Variants in KIAA1217 observed in about 807,000 individuals in gnomAD.
KIAA1217 encodes KIAA1217.
Under a neutral mutation model 163.9 loss-of-function variants are expected in KIAA1217, and 88 were observed. The ratio of observed to expected loss-of-function variants is 0.54; its 90% CI spans 0.45 to 0.64. The LOEUF (loss-of-function observed/expected upper bound fraction) is 0.64, where lower values mean the gene tolerates loss of function less well. KIAA1217 is among the 30% of genes least tolerant of loss of function. KIAA1217 has a pLI of 0.00. For synonymous variants in KIAA1217, 903 were observed against 923.1 expected (o/e 0.98, Z 0.39); for missense variants, 2,372 against 2,475.0 (o/e 0.96, Z 0.88).
At chr10:24,132,197 T>C (rs1468069658) in intron 2 of KIAA1217, among the ~76,000 whole-genome samples, 2 of 152,140 alleles carry the variant, frequency 1.3e-5, no homozygotes, top group Non-Finnish European at 2.9e-5. Flanking sequence ...CTTCATCCCA[T>C]TGGCTGGAAC....
chr10:24,413,636 C>T (rs749394406), intron 3 of KIAA1217, among the ~76,000 whole-genome samples: 4 of 152,206 alleles, frequency 2.6e-5, no homozygotes, highest in Non-Finnish European at 4.4e-5. Context: ...TCTCATCTCA[C>T]TCATTTCCCT....
chr10:24,098,767 G>C (rs550193666), intron 2 of KIAA1217, among the ~76,000 whole-genome samples: 1 of 151,368 alleles, frequency 6.6e-6, no homozygotes, highest in East Asian at 1.9e-4. Context: ...GTGTTAGAGA[G>C]AGACAGACAG....
chr10:23,797,008 A>G (rs776782603), intron 1 of KIAA1217, among the ~76,000 whole-genome samples: 5 of 152,170 alleles, frequency 3.3e-5, no homozygotes, highest in Non-Finnish European at 7.4e-5. Context: ...CAGTGCTACC[A>G]CATCTGGCTA....
At chr10:23,776,129 CT>C (rs1834998147) in intron 1 of KIAA1217, among the ~76,000 whole-genome samples, 1 of 152,090 alleles carries the variant, frequency 6.6e-6, no homozygotes, top group Non-Finnish European at 1.5e-5. Flanking sequence ...TGCCCAGATT[CT>C]TAAGAGATAC....
intron 2 of KIAA1217, among the ~76,000 whole-genome samples, chr10:24,352,403 CTTAA>C (rs1358987675): frequency 6.6e-6 from 1 of 152,220 alleles, no homozygotes; most frequent in Admixed American, 6.5e-5. Flanking sequence ...TAGGTGGAAA[CTTAA>C]AAACCTTCCT....
chr10:24,220,270 A>G (rs1162940799), intron 2 of KIAA1217, among the ~76,000 whole-genome samples: 1 of 152,184 alleles, frequency 6.6e-6, no homozygotes, highest in Non-Finnish European at 1.5e-5. Context: ...CATGGCACCA[A>G]CTACCGTGTA....
At chr10:24,176,962 G>A (rs1333795049) in intron 2 of KIAA1217, among the ~76,000 whole-genome samples, 1 of 152,046 alleles carries the variant, frequency 6.6e-6, no homozygotes, top group South Asian at 2.1e-4. Flanking sequence ...GCAGTTGCTG[G>A]CCCGGGTGCT....
chr10:24,337,722 CA>C (rs1234945255), intron 2 of KIAA1217, among the ~76,000 whole-genome samples: 1 of 150,218 alleles, frequency 6.7e-6, no homozygotes, highest in Non-Finnish European at 1.5e-5. Context: ...CCACTCACTG[CA>C]AACTCTGCCT....
chr10:23,779,956 A>G (rs942402306), intron 1 of KIAA1217, among the ~76,000 whole-genome samples: 1 of 152,214 alleles, frequency 6.6e-6, no homozygotes, highest in African/African-American at 2.4e-5. Context: ...TAGGAGCAAT[A>G]GGCCATGCAA....
intron 2 of KIAA1217, among the ~76,000 whole-genome samples, chr10:24,095,078 C>A (rs1366626210): frequency 1.3e-5 from 2 of 152,196 alleles, no homozygotes; most frequent in African/African-American, 2.4e-5. Context: ...GTTTCCTAAG[C>A]CCGTCGGAAA....
intron 1 of KIAA1217, among the ~76,000 whole-genome samples, chr10:23,847,171 A>C (rs768881703): frequency 1.6e-4 from 25 of 152,154 alleles, no homozygotes; most frequent in Non-Finnish European, 2.2e-4. Context: ...ATCGATGTTC[A>C]TCAGGGGTAT....
chr10:23,783,922 T>A (rs1411018572), intron 1 of KIAA1217, among the ~76,000 whole-genome samples: 1 of 152,098 alleles, frequency 6.6e-6, no homozygotes, highest in Non-Finnish European at 1.5e-5. Flanking sequence ...TCCCCTTCAT[T>A]TGTGATTTTA....
Position 24,237,557 on chromosome 10 carries a change from A to C in KIAA1217, c.354+17648A>C, listed in dbSNP as rs1025879434. ...CCAAAGGGAAGATCTGGCATAATTT[A>C]TAACCACTCTGACTGCTGAATCAAC... On this transcript the variant is annotated intron_variant, in intron 2 of 20. Transcript: ENST00000376454. Among the ~76,000 whole-genome samples the C allele has an allele frequency of 2.0e-5, 3 of 152,372 alleles. No individual in the cohort carries two copies. In the East Asian group the frequency reaches 5.8e-4, roughly 29 times the overall value.
chr10:24,444,054 G>A (rs901963553), intron 5 of KIAA1217, among the ~76,000 whole-genome samples: 3 of 151,616 alleles, frequency 2.0e-5, no homozygotes, highest in East Asian at 1.9e-4. Context: ...CTCTGTCACC[G>A]GGCTGGAGTG....
chr10:23,854,332 G>T (rs1210978613), intron 1 of KIAA1217, among the ~76,000 whole-genome samples: 1 of 152,174 alleles, frequency 6.6e-6, no homozygotes, highest in Non-Finnish European at 1.5e-5. Flanking sequence ...TTTTGAGTGA[G>T]TTTCTTAATC....
At chr10:23,786,205 A>T (rs1209971150) in intron 1 of KIAA1217, among the ~76,000 whole-genome samples, 1 of 152,126 alleles carries the variant, frequency 6.6e-6, no homozygotes, top group African/African-American at 2.4e-5. Flanking sequence ...CATCTAGCTG[A>T]AAGAGTCTAG....
intron 1 of KIAA1217, among the ~76,000 whole-genome samples, chr10:23,720,340 TA>T (rs1837808282): frequency 1.3e-5 from 2 of 152,182 alleles, no homozygotes; most frequent in South Asian, 4.1e-4. Context: ...CTTGATAAAA[TA>T]AAATTCATTT....
chr10:23,825,197 T>G (rs1837842852), intron 1 of KIAA1217, among the ~76,000 whole-genome samples: 1 of 151,836 alleles, frequency 6.6e-6, no homozygotes, highest in African/African-American at 2.4e-5. Flanking sequence ...TTCTTTTAAG[T>G]TAATTTTCTT....
At chr10:23,787,708 C>A (rs977200893) in intron 1 of KIAA1217, among the ~76,000 whole-genome samples, 7 of 152,144 alleles carry the variant, frequency 4.6e-5, no homozygotes, top group African/African-American at 7.2e-5. Context: ...GTGTTACATG[C>A]ATATTTTATG....
Sources: gnomAD v4.1 joint callset for allele counts (sites outside exome capture counted in the v4.1 genomes callset) on GRCh38, gnomAD v4.1.1 for gene constraint, MANE v1.5 for transcripts, NCBI Gene and HGNC (gene_info 2026-07-23, HGNC 2026-07-21) for gene names.